The following ANKRD30BL variants were observed in gnomAD, a reference collection of about 807,000 sequenced individuals.
The protein encoded by ANKRD30BL is putative ankyrin repeat domain-containing protein 30B-like.
A neutral mutation model predicts 18.4 loss-of-function variants in ANKRD30BL; 20 were observed. The ratio of observed to expected loss-of-function variants is 1.09; its 90% CI spans 0.77 to 1.58. The LOEUF is 1.58. Among genes scored for constraint, ANKRD30BL ranks in the 40% most tolerant of loss-of-function variants. ANKRD30BL has a pLI of 0.00. For synonymous variants in ANKRD30BL, 72 were observed against 100.9 expected (o/e 0.71, Z 1.72); for missense variants, 224 against 268.6 (o/e 0.83, Z 1.16).
At chr2:132,223,752 A>T (rs969310672) in intron 1 of ANKRD30BL, among the ~76,000 whole-genome samples, 2 of 152,104 alleles carry the variant, frequency 1.3e-5, no homozygotes, top group African/African-American at 4.8e-5. Context: ...GCAAGTGGAC[A>T]TTTGGAGGGC....
intron 1 of ANKRD30BL, among the ~76,000 whole-genome samples, chr2:132,194,392 A>T (rs1678923309): frequency 6.6e-6 from 1 of 152,254 alleles, no homozygotes; most frequent in Non-Finnish European, 1.5e-5. Context: ...AGTCAGCGAC[A>T]GCCTGGCTTT....
chr2:132,243,346 G>C (rs1343787735), intron 1 of ANKRD30BL, among the ~76,000 whole-genome samples: 1 of 151,680 alleles, frequency 6.6e-6, no homozygotes, highest in African/African-American at 2.4e-5. Context: ...GAATCTGCAA[G>C]TGGACATTTG....
intron 1 of ANKRD30BL, among the ~76,000 whole-genome samples, chr2:132,220,728 C>T (rs1157089844): frequency 6.6e-6 from 1 of 152,042 alleles, no homozygotes; most frequent in African/African-American, 2.4e-5. Flanking sequence ...CTCCACCTCC[C>T]AGCCGCCTGC....
Position 132,257,165 on chromosome 2 carries a change from TG to T in ANKRD30BL, n.441+363del, listed in dbSNP as rs201685022. The T allele has an allele frequency of 4.1e-3, 1,826 of 445,960 alleles. 32 individuals carry two copies. Among genetic ancestry groups the T allele is most frequent in the African/African-American group, 0.033 (1,612 of 48,134 alleles). The allele number at this position is 445,960 out of a possible 1,614,324, so 27.6% of individuals were successfully genotyped here. On this transcript the variant is annotated intron_variant and non_coding_transcript_variant, in intron 1 of 4. Coordinates refer to the ANKRD30BL transcript ENST00000470729. Reference sequence around the variant, plus strand: ...CACAAACCTAACGCCAGGGCCACGTTGCTCGTTTCTCATCCATCCTCCAACC... The same window carrying T: ...CACAAACCTAACGCCAGGGCCACGTTCTCGTTTCTCATCCATCCTCCAACC...
chr2:132,166,080 A>T (rs931720423), upstream of ANKRD30BL, among the ~76,000 whole-genome samples: 4 of 152,166 alleles, frequency 2.6e-5, no homozygotes, highest in African/African-American at 7.2e-5. Flanking sequence ...ATACAGTCAC[A>T]TGATTTTTCT....
intron 1 of ANKRD30BL, among the ~76,000 whole-genome samples, chr2:132,204,457 GTGTA>G (rs900571724): frequency 1.7e-4 from 24 of 139,796 alleles, no homozygotes; most frequent in East Asian, 6.3e-4. Flanking sequence ...TACATATAGT[GTGTA>G]TGTATGTATG....
At chr2:132,235,854 G>T (rs1019458302) in intron 1 of ANKRD30BL, among the ~76,000 whole-genome samples, 4 of 151,932 alleles carry the variant, frequency 2.6e-5, no homozygotes, top group Non-Finnish European at 5.9e-5. Flanking sequence ...AGTTCATATG[G>T]AACCAAAAAA....
chr2:132,196,831 G>A (rs76001155), intron 1 of ANKRD30BL, among the ~76,000 whole-genome samples: 7 of 151,688 alleles, frequency 4.6e-5, no homozygotes, highest in African/African-American at 7.3e-5. Flanking sequence ...AAAAATAAAA[G>A]CTCTAGAAAT....
intron 1 of ANKRD30BL, among the ~76,000 whole-genome samples, chr2:132,179,697 G>A (rs1168980646): frequency 6.6e-6 from 1 of 152,114 alleles, no homozygotes; most frequent in Admixed American, 6.6e-5. Flanking sequence ...AGGAGGGATT[G>A]TTATCATAGG....
intron 1 of ANKRD30BL, among the ~76,000 whole-genome samples, chr2:132,236,658 C>A (rs1342324192): frequency 6.6e-6 from 1 of 152,090 alleles, no homozygotes; most frequent in Non-Finnish European, 1.5e-5. Flanking sequence ...GAAATAGGAA[C>A]CCTTTTACAC....
chr2:132,219,984 A>G (rs1188779711), intron 1 of ANKRD30BL, among the ~76,000 whole-genome samples: 1 of 151,964 alleles, frequency 6.6e-6, no homozygotes, highest in Non-Finnish European at 1.5e-5. Flanking sequence ...CCTATGGTGG[A>G]AAAGGAAACA....
rs568783151 is a variant in ANKRD30BL at position 132,197,805 on chromosome 2, T to A, written n.442-40659A>T. On this transcript the variant is annotated intron_variant and non_coding_transcript_variant, in intron 1 of 4. Coordinates refer to the ANKRD30BL transcript ENST00000470729. Reference sequence around the variant, plus strand: ...ATTTGAAAGGAACAGTGTTGGATATTTTTACTAAAATAACATAATTATTTA... The same window carrying A: ...ATTTGAAAGGAACAGTGTTGGATATATTTACTAAAATAACATAATTATTTA... 9.5e-4 allele frequency among the ~76,000 whole-genome samples: 145 copies of A among 152,060 alleles called. 4 individuals carry two copies. The South Asian group carries it at 0.03, about 31-fold the overall frequency.
intron 1 of ANKRD30BL, among the ~76,000 whole-genome samples, chr2:132,253,844 C>T (rs78996787): frequency 1.3e-5 from 2 of 152,052 alleles, no homozygotes; most frequent in Non-Finnish European, 2.9e-5. Flanking sequence ...CCCTCGAGAC[C>T]CCCTAGCGGG....
chr2:132,203,006 C>T (rs969886255), intron 1 of ANKRD30BL, among the ~76,000 whole-genome samples: 2 of 152,204 alleles, frequency 1.3e-5, no homozygotes, highest in African/African-American at 2.4e-5. Context: ...TGTTAATTAA[C>T]AGTCAGTTCA....
intron 1 of ANKRD30BL, among the ~76,000 whole-genome samples, chr2:132,241,461 A>G (rs200901775): frequency 4.0e-5 from 6 of 151,664 alleles, no homozygotes; most frequent in Non-Finnish European, 8.8e-5. Flanking sequence ...TTTTTGTATT[A>G]TCTGGAAGTG....
chr2:132,177,521 T>G (rs1196268349), intron 1 of ANKRD30BL, among the ~76,000 whole-genome samples: 1 of 152,214 alleles, frequency 6.6e-6, no homozygotes, highest in African/African-American at 2.4e-5. Context: ...TGTTCTGAGA[T>G]TCAGTCAAGA....
At chr2:132,255,656 G>A (rs1456667001) in intron 1 of ANKRD30BL, among the ~76,000 whole-genome samples, 1 of 152,186 alleles carries the variant, frequency 6.6e-6, no homozygotes, top group Non-Finnish European at 1.5e-5. Context: ...GGCCTAGAAA[G>A]AGTCCTGTAT....
In ANKRD30BL at chr2:132,207,093, A is replaced by G. The variant is rs146693990; in HGVS notation, n.442-49947T>C. Among the ~76,000 whole-genome samples, 14 of 152,230 alleles carry G rather than the reference A, an allele frequency of 9.2e-5. No homozygotes were observed. In the East Asian group the frequency reaches 2.7e-3, roughly 29 times the overall value. On this transcript the variant is annotated intron_variant and non_coding_transcript_variant, in intron 1 of 4. Transcript: ENST00000470729. Reference sequence around the variant, plus strand: ...AGCATCTGCAAATAATTTGATTTCAAATTAAGTCATACCCTCACAGACATC... The same window carrying G: ...AGCATCTGCAAATAATTTGATTTCAGATTAAGTCATACCCTCACAGACATC...
At chr2:132,234,636 G>A (rs1282591937) in intron 1 of ANKRD30BL, among the ~76,000 whole-genome samples, 1 of 152,118 alleles carries the variant, frequency 6.6e-6, no homozygotes, top group Non-Finnish European at 1.5e-5. Context: ...GACTAAAACA[G>A]GAAGGAGTTG....
Sources: allele counts gnomAD v4.1 joint callset (sites outside exome capture counted in the v4.1 genomes callset), GRCh38; gene constraint gnomAD v4.1.1; transcripts MANE v1.5; gene names NCBI Gene and HGNC (gene_info 2026-07-23, HGNC 2026-07-21).